PARD3: variants seen among roughly 807,000 people sequenced by gnomAD.
PARD3 encodes the protein par-3 family cell polarity regulator, also known as partitioning defective 3 homolog.
PARD3 carries 75 observed loss-of-function variants against 155.4 expected under a neutral mutation model. That is an observed-to-expected ratio of 0.48 (90% CI 0.40 to 0.58). The LOEUF (loss-of-function observed/expected upper bound fraction) is 0.58. Ranked by LOEUF, PARD3 falls within the 20% of genes least tolerant of loss-of-function variation. The pLI, the probability that PARD3 is intolerant of heterozygous loss-of-function variation, is 0.00. For synonymous variants in PARD3, 576 were observed against 610.5 expected (o/e 0.94, Z 0.83); for missense variants, 1,642 against 1,721.7 (o/e 0.95, Z 0.82).
At chr10:34,210,485 C>T (rs907653714) in intron 22 of PARD3, among the ~76,000 whole-genome samples, 3 of 152,054 alleles carry the variant, frequency 2.0e-5, no homozygotes, top group African/African-American at 7.2e-5. Flanking sequence ...AGCCTGCTGG[C>T]CTGTGGAGTA....
At chr10:34,531,577 C>T (rs2082858590) in intron 2 of PARD3, among the ~76,000 whole-genome samples, 1 of 152,164 alleles carries the variant, frequency 6.6e-6, no homozygotes, top group South Asian at 2.1e-4. Flanking sequence ...CACAAAAGTA[C>T]AAGGTTTTTG....
At chr10:34,183,714 T>C (rs1255695384) in intron 22 of PARD3, among the ~76,000 whole-genome samples, 1 of 152,188 alleles carries the variant, frequency 6.6e-6, no homozygotes, top group Non-Finnish European at 1.5e-5. Context: ...AGCATCCCAA[T>C]ATAAGCAACC....
chr10:34,377,947 C>A lies in PARD3; in HGVS notation c.1539+20G>T. The A allele has an allele frequency of 6.7e-7, 1 of 1,503,602 alleles. No homozygotes were observed. Among genetic ancestry groups the A allele is most frequent in the East Asian group, 2.6e-5 (1 of 38,332 alleles). The allele number at this position is 1,503,602 out of a possible 1,614,324, so 93.1% of individuals were successfully genotyped here. A position where few individuals can be genotyped will look rare whatever the true frequency, so the allele number is the denominator to read the frequency against. On this transcript the variant is annotated intron_variant, in intron 10 of 24. Transcript: ENST00000374788. Reference sequence around the variant, plus strand: ...AACATTTCAAGAATCAGGGAACATCCTGCTGGGGAAGTCACTTACCTCTAT... The same window carrying A: ...AACATTTCAAGAATCAGGGAACATCATGCTGGGGAAGTCACTTACCTCTAT...
At chr10:34,380,041 G>A (rs980446802) in intron 9 of PARD3, among the ~76,000 whole-genome samples, 4 of 151,962 alleles carry the variant, frequency 2.6e-5, no homozygotes, top group Non-Finnish European at 4.4e-5. Flanking sequence ...CACACCCTAT[G>A]TTTTTAATGT....
At chr10:34,764,518 G>A (rs902397889) in intron 1 of PARD3, among the ~76,000 whole-genome samples, 7 of 152,184 alleles carry the variant, frequency 4.6e-5, no homozygotes, top group African/African-American at 9.7e-5. Flanking sequence ...AGGTACTGGA[G>A]GAAGTGGGGA....
intron 3 of PARD3, among the ~76,000 whole-genome samples, chr10:34,498,646 G>A (rs1240884739): frequency 2.6e-5 from 4 of 152,102 alleles, no homozygotes; most frequent in Admixed American, 1.3e-4. Context: ...GTGTGGTGGT[G>A]CACACCTGTA....
chr10:34,359,548 T>C (rs528865594), intron 13 of PARD3, among the ~76,000 whole-genome samples: 27 of 152,324 alleles, frequency 1.8e-4, no homozygotes, highest in African/African-American at 5.3e-4. Flanking sequence ...GTCATTATCA[T>C]AATCTGTTTA....
intron 14 of PARD3, among the ~76,000 whole-genome samples, chr10:34,355,862 T>C (rs1157556825): frequency 4.4e-5 from 6 of 135,674 alleles, no homozygotes; most frequent in Non-Finnish European, 7.6e-5. Context: ...GAGGCGGAGG[T>C]TGCAGTGAGC....
chr10:34,273,249 TAAAAACAAA>T lies in PARD3; in HGVS notation c.3177-3359_3177-3351del, dbSNP rs1336918037. Among the ~76,000 whole-genome samples, 3 of 151,748 alleles carry T rather than the reference TAAAAACAAA, an allele frequency of 2.0e-5. No individual in the cohort carries two copies. In the East Asian group the frequency reaches 5.8e-4, roughly 29 times the overall value. On this transcript the variant is annotated intron_variant, in intron 21 of 24. Coordinates refer to ENST00000374788, the MANE Select transcript of PARD3 (RefSeq NM_001184785.2). ...AAATAGCTCACAATAGGTGAATAGT[TAAAAACAAA>T]AAAAACAAAAAAACTGGGGTGTGTC...
chr10:34,746,359 G>A (rs1835334110), intron 1 of PARD3, among the ~76,000 whole-genome samples: 1 of 151,956 alleles, frequency 6.6e-6, no homozygotes, highest in African/African-American at 2.4e-5. Flanking sequence ...TGAGGCGGGA[G>A]GATTGCCTAA....
chr10:34,783,086 T>C (rs1840462227), intron 1 of PARD3, among the ~76,000 whole-genome samples: 1 of 152,114 alleles, frequency 6.6e-6, no homozygotes, highest in Non-Finnish European at 1.5e-5. Flanking sequence ...GTGTCAAACC[T>C]TAAGATTTAG....
intron 2 of PARD3, among the ~76,000 whole-genome samples, chr10:34,518,825 G>C (rs1194671582): frequency 1.3e-5 from 2 of 152,176 alleles, no homozygotes; most frequent in South Asian, 2.1e-4. Context: ...TATTTGCATA[G>C]CTCAAAATGT....
intron 22 of PARD3, among the ~76,000 whole-genome samples, chr10:34,142,043 G>A (rs1228833053): frequency 6.6e-6 from 1 of 152,266 alleles, no homozygotes; most frequent in African/African-American, 2.4e-5. Context: ...TGACTATTGT[G>A]AGAATGTGTG....
At chr10:34,650,361 G>A (rs1361647168) in intron 2 of PARD3, among the ~76,000 whole-genome samples, 4 of 152,202 alleles carry the variant, frequency 2.6e-5, no homozygotes, top group Admixed American at 1.3e-4. Flanking sequence ...AATCTGACGG[G>A]ACCATTGTGG....
chr10:34,792,145 CT>C lies in PARD3; in HGVS notation c.120+22730del, dbSNP rs903462121. 1.2e-3 allele frequency among the ~76,000 whole-genome samples: 183 copies of C among 152,314 alleles called. 1 individual carries two copies. Among genetic ancestry groups the C allele is most frequent in the Non-Finnish European group, 2.9e-4 (20 of 68,024 alleles). On this transcript the variant is annotated intron_variant, in intron 1 of 24. Coordinates refer to ENST00000374788, the MANE Select transcript of PARD3 (RefSeq NM_001184785.2). ...GTGCTTGCCCCGGACCTGTGCACCC[CT>C]AGCTCTCCCCGGACGTGCGCCCACG...
At chr10:34,233,581 C>A (rs546098886) in intron 22 of PARD3, among the ~76,000 whole-genome samples, 1 of 152,104 alleles carries the variant, frequency 6.6e-6, no homozygotes, top group Non-Finnish European at 1.5e-5. Context: ...TCAACACTTA[C>A]AATGCTCTAA....
chr10:34,664,023 T>G (rs569639569), intron 2 of PARD3: 1 of 152,320 alleles, frequency 6.6e-6, no homozygotes, highest in South Asian at 2.1e-4. Context: ...GCTTAGCAGG[T>G]TGGGGCCTCA....
chr10:34,317,607 T>A (rs1958088820), intron 19 of PARD3, among the ~76,000 whole-genome samples: 1 of 152,134 alleles, frequency 6.6e-6, no homozygotes, highest in Non-Finnish European at 1.5e-5. Context: ...AGAAACACCC[T>A]CTAAGAATCA....
At chr10:34,227,854 T>TA (rs1952683542) in intron 22 of PARD3, among the ~76,000 whole-genome samples, 5 of 26,502 alleles carry the variant, frequency 1.9e-4, no homozygotes, top group African/African-American at 3.8e-4. Flanking sequence ...GGGAATTATT[T>TA]TTTATATATA....
Sources: allele counts gnomAD v4.1 joint callset (sites outside exome capture counted in the v4.1 genomes callset), GRCh38; gene constraint gnomAD v4.1.1; transcripts MANE v1.5; gene names NCBI Gene and HGNC (gene_info 2026-07-23, HGNC 2026-07-21).